WWOX: variants seen among roughly 807,000 people sequenced by gnomAD.
The protein encoded by WWOX is WW domain containing oxidoreductase.
A neutral mutation model predicts 46.2 loss-of-function variants in WWOX; 69 were observed. That is an observed-to-expected ratio of 1.49 (90% CI 1.23 to 1.82). The LOEUF is 1.82. WWOX is among the 40% of genes most tolerant of loss of function. The pLI is 0.00. For missense variants in WWOX, 919 were observed against 542.6 expected, an observed-to-expected ratio of 1.69 and a Z score of -6.89; for synonymous variants, 359 against 202.6, an observed-to-expected ratio of 1.77 and a Z score of -6.56.
intron 8 of WWOX, among the ~76,000 whole-genome samples, chr16:78,744,685 G>A: frequency 6.6e-6 from 1 of 152,112 alleles, no homozygotes; most frequent in African/African-American, 2.4e-5. Flanking sequence ...ACCTGCCTCG[G>A]CCTCCCAAAG....
At chr16:79,047,786 C>A (rs553999529) in intron 8 of WWOX, among the ~76,000 whole-genome samples, 1 of 143,406 alleles carries the variant, frequency 7.0e-6, no homozygotes, top group Non-Finnish European at 1.5e-5. Context: ...CTCTTGGTTG[C>A]GATCTGATGA....
chr16:78,563,027 C>T (rs1027376583), intron 8 of WWOX, among the ~76,000 whole-genome samples: 4 of 151,784 alleles, frequency 2.6e-5, no homozygotes, highest in African/African-American at 9.7e-5. Context: ...TCTTTCTTTG[C>T]ACCCACGATG....
At chr16:78,801,880 A>T (rs997780840) in intron 8 of WWOX, among the ~76,000 whole-genome samples, 1 of 152,156 alleles carries the variant, frequency 6.6e-6, no homozygotes, top group Non-Finnish European at 1.5e-5. Context: ...GATTGTCCTG[A>T]TCTAAAATTA....
At chr16:78,785,415 A>G (rs369549769) in intron 8 of WWOX, among the ~76,000 whole-genome samples, 45 of 152,326 alleles carry the variant, frequency 3.0e-4, no homozygotes, top group African/African-American at 1.0e-3. Context: ...TGCAACACAC[A>G]TCGGCAGCCA....
At chr16:79,112,070 G>A (rs1044179992) in intron 8 of WWOX, among the ~76,000 whole-genome samples, 3 of 152,134 alleles carry the variant, frequency 2.0e-5, no homozygotes, top group African/African-American at 4.8e-5. Flanking sequence ...GATCCCCAGG[G>A]CTGGACACAG....
chr16:79,083,189 G>A (rs1211117292), intron 8 of WWOX, among the ~76,000 whole-genome samples: 11 of 152,258 alleles, frequency 7.2e-5, no homozygotes, highest in Non-Finnish European at 1.2e-4. Context: ...ACTTGAGGGC[G>A]CAGGTAGGGG....
intron 7 of WWOX, among the ~76,000 whole-genome samples, chr16:78,427,326 G>A (rs1181896836): frequency 6.6e-6 from 1 of 152,154 alleles, no homozygotes; most frequent in Non-Finnish European, 1.5e-5. Flanking sequence ...TACTTATCTG[G>A]AATCTGAGCA....
At chr16:78,737,726 C>G (rs921808885) in intron 8 of WWOX, among the ~76,000 whole-genome samples, 1 of 152,112 alleles carries the variant, frequency 6.6e-6, no homozygotes, top group Non-Finnish European at 1.5e-5. Context: ...GGATGATGTC[C>G]TGGTCCTTTG....
intron 5 of WWOX, among the ~76,000 whole-genome samples, chr16:78,293,997 A>AC (rs1567482483): frequency 1.3e-5 from 2 of 149,726 alleles, no homozygotes; most frequent in African/African-American, 2.5e-5. Context: ...AAAAAAAAAA[A>AC]AAAAAAAAAA....
chr16:79,017,640 C>G lies in WWOX; in HGVS notation c.1057-193968C>G, dbSNP rs144155412. ...ATAAATTAATGTGCATGGCCGTGTTCTGATAAAAGTTTATTTATAGACACT... is the reference window on the plus strand; with the variant it reads ...ATAAATTAATGTGCATGGCCGTGTTGTGATAAAAGTTTATTTATAGACACT... On this transcript the variant is annotated intron_variant, in intron 8 of 8. Transcript: ENST00000566780. Among the ~76,000 whole-genome samples, 1,355 of 151,700 alleles carry G rather than the reference C, an allele frequency of 8.9e-3. 17 individuals are homozygous for G. The highest frequency in any genetic ancestry group is 0.013 in the Non-Finnish European group (893 of 67,960).
At chr16:79,047,672 A>ACTTTTTTTTTTTTTTTT (rs529812201) in intron 8 of WWOX, among the ~76,000 whole-genome samples, 1 of 53,522 alleles carries the variant, frequency 1.9e-5, no homozygotes, top group African/African-American at 7.7e-5. Flanking sequence ...GACTGTCCTG[A>ACTTTTTTTTTTTTTTTT]TTTTTTTTTT....
At chr16:78,266,412 A>T (rs12598901) in intron 5 of WWOX, among the ~76,000 whole-genome samples, 10 of 152,062 alleles carry the variant, frequency 6.6e-5, no homozygotes, top group Non-Finnish European at 1.3e-4. Flanking sequence ...GATGGAGACT[A>T]TATGGCCCAT....
chr16:79,151,979 T>G (rs1490149728), intron 8 of WWOX, among the ~76,000 whole-genome samples: 1 of 152,146 alleles, frequency 6.6e-6, no homozygotes, highest in Non-Finnish European at 1.5e-5. Context: ...AACAGAAAGG[T>G]CTCTGTTACG....
chr16:78,474,266 T>A (rs1309433553), intron 8 of WWOX, among the ~76,000 whole-genome samples: 3 of 152,204 alleles, frequency 2.0e-5, no homozygotes, highest in African/African-American at 7.2e-5. Flanking sequence ...CCTGGGACAT[T>A]TTATGCTAAA....
At chr16:78,448,320 T>G (rs1224794086) in intron 8 of WWOX, among the ~76,000 whole-genome samples, 7 of 152,188 alleles carry the variant, frequency 4.6e-5, no homozygotes, top group Non-Finnish European at 8.8e-5. Context: ...ATTAGTTATC[T>G]ATCACTGCAT....
chr16:78,326,928 T>C (rs1292464656), intron 5 of WWOX, among the ~76,000 whole-genome samples: 1 of 152,162 alleles, frequency 6.6e-6, no homozygotes, highest in Non-Finnish European at 1.5e-5. Context: ...GACAAACACA[T>C]AAAATGTTTA....
chr16:78,467,154 C>T (rs748596226), intron 8 of WWOX, among the ~76,000 whole-genome samples: 11 of 152,056 alleles, frequency 7.2e-5, no homozygotes, highest in Non-Finnish European at 1.5e-4. Flanking sequence ...CCAAAGATTC[C>T]ATTTTCCTTC....
At chr16:78,667,310 G>A (rs1472614002) in intron 8 of WWOX, among the ~76,000 whole-genome samples, 2 of 152,166 alleles carry the variant, frequency 1.3e-5, no homozygotes, top group African/African-American at 2.4e-5. Flanking sequence ...TGGACAGGCT[G>A]ACATTTTTAT....
At chr16:78,737,683 A>G (rs941129146) in intron 8 of WWOX, among the ~76,000 whole-genome samples, 5 of 152,192 alleles carry the variant, frequency 3.3e-5, no homozygotes, top group Admixed American at 2.6e-4. Context: ...TTATATTAAA[A>G]GAGGAAAAGG....
Sources: allele counts gnomAD v4.1 joint callset (sites outside exome capture counted in the v4.1 genomes callset), GRCh38; gene constraint gnomAD v4.1.1; transcripts MANE v1.5; gene names NCBI Gene and HGNC (gene_info 2026-07-23, HGNC 2026-07-21).